Variants in ROR1 observed in about 807,000 individuals in gnomAD.
The protein encoded by ROR1 is inactive tyrosine-protein kinase transmembrane receptor ROR1.
A neutral mutation model predicts 78.8 loss-of-function variants in ROR1; 19 were observed. That is an observed-to-expected ratio of 0.24 (90% CI 0.17 to 0.35). The LOEUF is 0.35. Among genes scored for constraint, ROR1 ranks in the 10% least tolerant of loss-of-function variants. The pLI, the probability that ROR1 is intolerant of heterozygous loss-of-function variation, is 1.00. For missense variants in ROR1, 917 were observed against 1,177.8 expected, an observed-to-expected ratio of 0.78 and a Z score of 3.24; for synonymous variants, 386 against 433.6, an observed-to-expected ratio of 0.89 and a Z score of 1.36.
intron 1 of ROR1, among the ~76,000 whole-genome samples, chr1:63,898,060 A>C (rs1354116628): frequency 6.6e-6 from 1 of 152,142 alleles, no homozygotes; most frequent in Non-Finnish European, 1.5e-5. Context: ...AGACAACTGG[A>C]GGGGTTGGGG....
chr1:63,848,824 C>T (rs1200407350), intron 1 of ROR1, among the ~76,000 whole-genome samples: 2 of 152,090 alleles, frequency 1.3e-5, no homozygotes, highest in Non-Finnish European at 2.9e-5. Context: ...AATTTTTTGT[C>T]CCCAAAGGGA....
intron 8 of ROR1, among the ~76,000 whole-genome samples, chr1:64,169,459 G>A (rs887015484): frequency 3.3e-5 from 5 of 152,062 alleles, no homozygotes; most frequent in South Asian, 2.1e-4. Context: ...TCACTATCAC[G>A]AGAACAGCAT....
At chr1:63,908,184 C>T (rs946586655) in intron 1 of ROR1, among the ~76,000 whole-genome samples, 5 of 152,114 alleles carry the variant, frequency 3.3e-5, no homozygotes, top group African/African-American at 7.2e-5. Context: ...CAAGAGTTGT[C>T]GGATATGGGT....
chr1:63,982,752 C>G (rs1400509747), intron 1 of ROR1, among the ~76,000 whole-genome samples: 1 of 152,022 alleles, frequency 6.6e-6, no homozygotes, highest in African/African-American at 2.4e-5. Flanking sequence ...CCCTTTGGTA[C>G]TAAAGGGAGC....
chr1:64,089,462 C>T (rs918133865), intron 4 of ROR1, among the ~76,000 whole-genome samples: 1 of 152,148 alleles, frequency 6.6e-6, no homozygotes, highest in Non-Finnish European at 1.5e-5. Context: ...ACACCCACCT[C>T]AGCCTCCCAA....
chr1:63,856,058 A>T (rs1645146463), intron 1 of ROR1, among the ~76,000 whole-genome samples: 1 of 151,128 alleles, frequency 6.6e-6, no homozygotes, highest in Non-Finnish European at 1.5e-5. Flanking sequence ...TAATTCTAAC[A>T]TCTGTGTCAG....
chr1:63,941,273 G>C (rs565114429), intron 1 of ROR1, among the ~76,000 whole-genome samples: 1 of 152,074 alleles, frequency 6.6e-6, no homozygotes, highest in Non-Finnish European at 1.5e-5. Context: ...GAAATATTAA[G>C]GGGCAAAGGG....
At chr1:63,815,887 C>T (rs1421200209) in intron 1 of ROR1, among the ~76,000 whole-genome samples, 2 of 152,124 alleles carry the variant, frequency 1.3e-5, no homozygotes, top group African/African-American at 4.8e-5. Context: ...CTGGGACTTC[C>T]TCAGCTGGAC....
At chr1:64,054,372 A>G (rs752217999) in intron 4 of ROR1, among the ~76,000 whole-genome samples, 5 of 151,786 alleles carry the variant, frequency 3.3e-5, no homozygotes, top group Non-Finnish European at 7.4e-5. Flanking sequence ...CTGCCTCTGC[A>G]TTCAAGCAAT....
At chr1:63,782,433 C>T (rs777539512) in intron 1 of ROR1, among the ~76,000 whole-genome samples, 2 of 151,880 alleles carry the variant, frequency 1.3e-5, no homozygotes, top group East Asian at 1.9e-4. Context: ...AGTGTCACAA[C>T]GTGGAAAGAG....
intron 1 of ROR1, among the ~76,000 whole-genome samples, chr1:64,002,135 T>G (rs992735804): frequency 4.6e-5 from 1 of 21,978 alleles, no homozygotes; most frequent in Non-Finnish European, 2.9e-4. Context: ...TTCAACCTTT[T>G]TTTTTTTTTT....
chr1:63,978,278 A>C (rs1020631047), intron 1 of ROR1, among the ~76,000 whole-genome samples: 2 of 152,208 alleles, frequency 1.3e-5, no homozygotes, highest in African/African-American at 4.8e-5. Context: ...TTGTTTCAGG[A>C]GATTGTTTAC....
At chr1:63,803,396 T>C (rs2100258234) in intron 1 of ROR1, among the ~76,000 whole-genome samples, 1 of 151,576 alleles carries the variant, frequency 6.6e-6, no homozygotes, top group African/African-American at 2.4e-5. Flanking sequence ...CAGGCTGGAG[T>C]GCAGTGGCGC....
At chr1:63,890,183 T>G (rs1645384370) in intron 1 of ROR1, among the ~76,000 whole-genome samples, 1 of 152,108 alleles carries the variant, frequency 6.6e-6, no homozygotes, top group Admixed American at 6.6e-5. Context: ...TGCTTTTTAA[T>G]GTCCATACCA....
chr1:64,077,603 G>A (rs61765386), intron 4 of ROR1, among the ~76,000 whole-genome samples: 22,255 of 152,184 alleles, frequency 0.15, 1,715 homozygotes, highest in Middle Eastern at 0.2. Context: ...CTGGCTGCTC[G>A]GGGCAACCCT....
intron 1 of ROR1, among the ~76,000 whole-genome samples, chr1:63,786,334 A>G (rs544262016): frequency 4.7e-4 from 59 of 125,596 alleles, no homozygotes; most frequent in Admixed American, 1.2e-3. Flanking sequence ...GTGCAGTGGC[A>G]CAATCTCTGC....
Position 64,141,892 on chromosome 1 carries a change from C to T in ROR1, c.929-513C>T, listed in dbSNP as rs567869348. Among the ~76,000 whole-genome samples the T allele has an allele frequency of 5.3e-5, 8 of 152,186 alleles. No individual in the cohort carries two copies. The South Asian group carries it at 1.7e-3, about 32-fold the overall frequency. On this transcript the variant is annotated intron_variant, in intron 6 of 8. Transcript: ENST00000371079. ...TGCGAGGTCTTCTTAATGGGATCTG[C>T]TTCTCAAGGGTGCCGACCCCATCAG...
chr1:64,054,218 T>C (rs1157689017), intron 4 of ROR1, among the ~76,000 whole-genome samples: 1 of 152,206 alleles, frequency 6.6e-6, no homozygotes, highest in African/African-American at 2.4e-5. Context: ...CCTCCCAAAG[T>C]GCTGGGATTG....
chr1:63,942,679 G>A (rs1296252124), intron 1 of ROR1, among the ~76,000 whole-genome samples: 2 of 152,254 alleles, frequency 1.3e-5, no homozygotes, highest in Non-Finnish European at 2.9e-5. Context: ...GTGAAGAAAA[G>A]ACACCCTGTC....
Sources: gnomAD v4.1 joint callset for allele counts (sites outside exome capture counted in the v4.1 genomes callset) on GRCh38, gnomAD v4.1.1 for gene constraint, MANE v1.5 for transcripts, NCBI Gene and HGNC (gene_info 2026-07-23, HGNC 2026-07-21) for gene names.